Variants in MIB1 observed in about 807,000 individuals in gnomAD.
MIB1 encodes MIB E3 ubiquitin protein ligase 1, also known as E3 ubiquitin-protein ligase MIB1.
A neutral mutation model predicts 124.5 loss-of-function variants in MIB1; 278 were observed. The observed-to-expected ratio is 2.23, with a 90% CI of 2.02 to 2.47. MIB1 has a LOEUF of 2.47. MIB1 is among the 30% of genes most tolerant of loss of function. MIB1 has a pLI of 0.00. For synonymous variants in MIB1, 446 were observed against 429.4 expected (o/e 1.04, Z -0.48); for missense variants, 957 against 1,254.4 (o/e 0.76, Z 3.58).
intron 12 of MIB1, chr18:21,825,654 G>A: frequency 1.9e-6 from 1 of 514,210 alleles, no homozygotes; most frequent in Non-Finnish European, 4.0e-6. Context: ...TAGTTGGCAA[G>A]TAATTGATAT....
chr18:21,781,711 C>G (rs1199548063), intron 6 of MIB1, among the ~76,000 whole-genome samples: 1 of 151,888 alleles, frequency 6.6e-6, no homozygotes, highest in Non-Finnish European at 1.5e-5. Flanking sequence ...CCGCCCCTGG[C>G]CAGGGTTGAT....
chr18:21,790,317 C>CTGT (rs1437939438), intron 6 of MIB1, among the ~76,000 whole-genome samples: 1 of 152,164 alleles, frequency 6.6e-6, no homozygotes, highest in Non-Finnish European at 1.5e-5. Context: ...CTTTACAGTA[C>CTGT]TGTACATATT....
At chr18:21,739,976 A>G (rs1220732223), upstream of MIB1, among the ~76,000 whole-genome samples, 1 of 152,030 alleles carries the variant, frequency 6.6e-6, no homozygotes, top group African/African-American at 2.4e-5. Flanking sequence ...TTATTTCAGT[A>G]CATAGTAATT....
chr18:21,795,430 A>G (rs984261634), intron 7 of MIB1, among the ~76,000 whole-genome samples: 3 of 147,254 alleles, frequency 2.0e-5, no homozygotes, highest in African/African-American at 7.4e-5. Flanking sequence ...TATAATTATT[A>G]GGACAATACA....
chr18:21,706,509 G>A (rs4328539), intron 1 of MIB1, among the ~76,000 whole-genome samples: 29,768 of 152,132 alleles, frequency 0.2, 3,110 homozygotes, highest in Middle Eastern at 0.29. Context: ...GCAGGGAGGT[G>A]TGGAGAGAGA....
Position 21,835,490 on chromosome 18 carries a change from G to A in MIB1, c.1830-2875G>A, listed in dbSNP as rs547162035. On this transcript the variant is annotated intron_variant, in intron 12 of 20. Coordinates refer to ENST00000261537, the MANE Select transcript of MIB1 (RefSeq NM_020774.4). ...AAGATCAAGAATATAGGAGGAGCCC[G>A]GGTGCGGTGGCTCACGCCTGTAATC... Among the ~76,000 whole-genome samples the A allele has an allele frequency of 6.6e-5, 10 of 152,166 alleles. No homozygotes were observed. The East Asian group carries it at 9.7e-4, about 15-fold the overall frequency.
chr18:21,725,785 GGGAAGGAAGGAA>G (rs35808714), intron 1 of MIB1, among the ~76,000 whole-genome samples: 2 of 150,944 alleles, frequency 1.3e-5, no homozygotes, highest in African/African-American at 2.4e-5. Flanking sequence ...GAGGGAGAGA[GGGAAGGAAGGAA>G]GGAAGGAAGG....
At chr18:21,759,609 G>A (rs1187626374) in intron 1 of MIB1, among the ~76,000 whole-genome samples, 2 of 152,088 alleles carry the variant, frequency 1.3e-5, no homozygotes, top group East Asian at 1.9e-4. Context: ...TTGCGTGGCC[G>A]TTGAACATTC....
rs398032096 is a variant in MIB1, at chr18:21,860,098, CTTTTTTTTTTTTTT to C, written c.2880+1466_2880+1479del. 5.7e-4 allele frequency among the ~76,000 whole-genome samples: 15 copies of C among 26,462 alleles called. 2 individuals carry two copies. The Admixed American group carries it at 9.5e-3, about 17-fold the overall frequency. The allele number at this position is 26,462 out of a possible 152,430, so 17.4% of individuals were successfully genotyped here. Reference sequence around the variant, plus strand: ...GTGTTGGTTATGTTGTTCTTTATGTCTTTTTTTTTTTTTTTTTTTTTTTTTTTAGAGTCTCACTC... The same window carrying C: ...GTGTTGGTTATGTTGTTCTTTATGTCTTTTTTTTTTTTTAGAGTCTCACTC... On this transcript the variant is annotated intron_variant, in intron 20 of 20. Transcript: ENST00000261537.
chr18:21,758,934 TAAA>T (rs1568189302), intron 1 of MIB1, among the ~76,000 whole-genome samples: 1 of 152,138 alleles, frequency 6.6e-6, no homozygotes, highest in Admixed American at 6.5e-5. Context: ...GTTTCTTTTT[TAAA>T]AAAGTTTTAA....
intron 1 of MIB1, among the ~76,000 whole-genome samples, chr18:21,717,628 C>T (rs2040695195): frequency 6.6e-6 from 1 of 151,696 alleles, no homozygotes; most frequent in Admixed American, 6.6e-5. Flanking sequence ...TACAAATGGC[C>T]AAAAAAATAT....
chr18:21,781,938 T>A (rs901091120), intron 6 of MIB1, among the ~76,000 whole-genome samples: 1 of 152,108 alleles, frequency 6.6e-6, no homozygotes, highest in Non-Finnish European at 1.5e-5. Context: ...GTTGATTTTG[T>A]TTATCTTTTG....
Position 21,803,851 on chromosome 18 carries a change from A to C in MIB1, c.1372-56A>C. The C allele has an allele frequency of 2.3e-6, 3 of 1,300,790 alleles. No homozygotes were observed. In the South Asian group the frequency reaches 3.6e-5, roughly 16 times the overall value. 80.6% of individuals were successfully genotyped at this position (1,300,790 alleles called of 1,614,324 possible). On this transcript the variant is annotated intron_variant, in intron 9 of 20. Transcript: ENST00000261537. The stretch of plus-strand genomic sequence containing the variant: ...ACTTAAACCTACACCGTATGTATAT[A>C]TTGCCTGTTTCTGATTATTCATTCA...
chr18:21,815,844 G>C (rs111382385), intron 11 of MIB1, 31 bp downstream of exon 11: 1 of 1,575,924 alleles, frequency 6.3e-7, no homozygotes, highest in Non-Finnish European at 8.7e-7. Flanking sequence ...CATCCTGCAG[G>C]TATTGCTAGG....
At chr18:21,835,783 AAAT>A (rs2042022160) in intron 12 of MIB1, among the ~76,000 whole-genome samples, 1 of 116,902 alleles carries the variant, frequency 8.6e-6, no homozygotes, top group South Asian at 2.7e-4. Flanking sequence ...AAAAAAAAAA[AAAT>A]ATATATATAT....
At chr18:21,831,042 C>T (rs566810982) in intron 12 of MIB1, 1 of 144,288 alleles carries the variant, frequency 6.9e-6, no homozygotes, top group South Asian at 2.2e-4. Context: ...CCTAGCTTGT[C>T]AGATGAAATG....
chr18:21,766,289 T>C (rs1182490175), intron 2 of MIB1, among the ~76,000 whole-genome samples: 3 of 152,220 alleles, frequency 2.0e-5, no homozygotes, highest in Admixed American at 2.0e-4. Context: ...AGATGAATGG[T>C]AGGGCTCATT....
intron 1 of MIB1, among the ~76,000 whole-genome samples, chr18:21,729,978 A>G (rs2040760715): frequency 6.6e-6 from 1 of 152,216 alleles, no homozygotes. Context: ...AACTGTGACT[A>G]AGGTATCTTG....
intron 1 of MIB1, among the ~76,000 whole-genome samples, chr18:21,710,495 A>G (rs553110575): frequency 6.6e-6 from 1 of 152,342 alleles, no homozygotes; most frequent in Admixed American, 6.5e-5. Flanking sequence ...CACACCTCTG[A>G]TTCCAGCACT....
Sources: gnomAD v4.1 joint callset for allele counts (sites outside exome capture counted in the v4.1 genomes callset) on GRCh38, gnomAD v4.1.1 for gene constraint, MANE v1.5 for transcripts, NCBI Gene and HGNC (gene_info 2026-07-23, HGNC 2026-07-21) for gene names.